SAA2: variants seen among roughly 807,000 people sequenced by gnomAD.
SAA2 encodes the protein serum amyloid A-2 protein.
A neutral mutation model predicts 9.1 loss-of-function variants in SAA2; 5 were observed. That is an observed-to-expected ratio of 0.55 (90% CI 0.29 to 1.16). SAA2 has a LOEUF of 1.16. Among genes scored for constraint, SAA2 ranks in the 50% most tolerant of loss-of-function variants. The pLI, the probability that SAA2 is intolerant of heterozygous loss-of-function variation, is 0.09. For synonymous variants in SAA2, 49 were observed against 59.8 expected (o/e 0.82, Z 0.83); for missense variants, 94 against 153.8 (o/e 0.61, Z 2.06).
chr11:18,247,294 G>A (rs1425052372), intron 2 of SAA2, among the ~76,000 whole-genome samples: 4 of 151,000 alleles, frequency 2.6e-5, no homozygotes, highest in Middle Eastern at 3.4e-3. Context: ...AGGCTAAAGA[G>A]CCCTGTACAT....
downstream of SAA2, chr11:18,242,701 G>C (rs73424352): frequency 0.012 from 8,290 of 677,582 alleles, 498 homozygotes; most frequent in African/African-American, 0.13. Context: ...TAAAAATTAG[G>C]CAAGTGTCAT....
chr11:18,242,516 T>A, downstream of SAA2: 1 of 452,876 alleles, frequency 2.2e-6, no homozygotes, highest in Non-Finnish European at 3.9e-6. Context: ...CCAGAAACAA[T>A]GTGAATCTGG....
chr11:18,239,716 T>G, exon 4 of SAA2: 1 of 460,462 alleles, frequency 2.2e-6, no homozygotes, highest in Non-Finnish European at 3.8e-6. Flanking sequence ...CAGTCTGTTT[T>G]GCTGTATCCA....
downstream of SAA2, among the ~76,000 whole-genome samples, chr11:18,244,165 A>C (rs374476795): frequency 2.0e-5 from 3 of 152,154 alleles, no homozygotes; most frequent in Non-Finnish European, 4.4e-5. Flanking sequence ...ACTTATTTTA[A>C]TCAGCTTGGG....
chr11:18,245,595 A>G (rs1857486341), intron 3 of SAA2, 80 bp from the exon 4 acceptor site: 1 of 1,565,096 alleles, frequency 6.4e-7, no homozygotes, highest in Admixed American at 1.7e-5. Context: ...CCCCGTTCCA[A>G]GGGAGGGCTC....
downstream of SAA2, chr11:18,242,707 G>A: frequency 1.5e-6 from 1 of 686,506 alleles, no homozygotes; most frequent in Non-Finnish European, 2.7e-6. Context: ...TTAGGCAAGT[G>A]TCATGGCGCA....
intron 2 of SAA2, among the ~76,000 whole-genome samples, chr11:18,246,501 A>G (rs1414283570): frequency 3.9e-5 from 6 of 152,174 alleles, no homozygotes; most frequent in African/African-American, 1.4e-4. Context: ...GAAGCAATAG[A>G]GCAGCGGTTC....
At chr11:18,238,419 C>A (rs1386207884), downstream of SAA2, among the ~76,000 whole-genome samples, 1 of 152,026 alleles carries the variant, frequency 6.6e-6, no homozygotes, top group Non-Finnish European at 1.5e-5. Flanking sequence ...TTAATATTTT[C>A]TTTAGTTGTC....
exon 4 of SAA2, chr11:18,239,818 C>A: frequency 8.4e-7 from 1 of 1,188,954 alleles, no homozygotes; most frequent in Non-Finnish European, 1.1e-6. Flanking sequence ...GGGAGCTCAT[C>A]CATGCCTCTT....
At chr11:18,240,934 C>T (rs1857327491), downstream of SAA2, among the ~76,000 whole-genome samples, 1 of 152,042 alleles carries the variant, frequency 6.6e-6, no homozygotes, top group Non-Finnish European at 1.5e-5. Context: ...AACAGACAAC[C>T]TAAGAACGGG....
At chr11:18,248,291 A>G (rs1857666332) in intron 1 of SAA2, 1 of 360,052 alleles carries the variant, frequency 2.8e-6, no homozygotes, top group Admixed American at 4.1e-5. Context: ...CAAGTAGCCT[A>G]TAATTCCCCA....
rs921204924 is a variant in SAA2, at chr11:18,239,886, A to C, written c.*62T>G. The C allele has an allele frequency of 2.6e-6, 4 of 1,531,702 alleles. No individual in the cohort carries two copies. The African/African-American group carries it at 5.6e-5, about 21-fold the overall frequency. 94.9% of individuals were successfully genotyped at this position (1,531,702 alleles called of 1,614,324 possible). On this transcript the variant is annotated 3_prime_UTR_variant, in exon 4 of 4. Transcript: ENST00000414546. ...TGGTGGTTATTTACACTGAATCTTC[A>C]TTGCCTGGATCAATGCCTGGGTCAT...
rs778033263 is a variant in SAA2 at position 18,240,003 on chromosome 11, T to C, written c.231-34A>G. ...GGCAGATTAATAGGAGAAAAAGTCA[T>C]ATACACGTATTTTAACATGCAAGGG... On this transcript the variant is annotated intron_variant, in intron 3 of 3. Coordinates refer to the SAA2 transcript ENST00000414546. 5.4e-5 allele frequency: 83 copies of C among 1,550,276 alleles called. 3 individuals are homozygous for C. The Middle Eastern group carries it at 0.011, about 197-fold the overall frequency.
downstream of SAA2, among the ~76,000 whole-genome samples, chr11:18,238,811 C>G (rs1027160306): frequency 1.3e-5 from 2 of 151,702 alleles, no homozygotes; most frequent in African/African-American, 4.8e-5. Flanking sequence ...CTCACTCCCC[C>G]CCTCCCCACT....
downstream of SAA2, chr11:18,242,885 G>T (rs1857389678): frequency 1.5e-6 from 1 of 686,334 alleles, no homozygotes; most frequent in Non-Finnish European, 2.6e-6. Context: ...ATAACAAAGA[G>T]CAATGCAATT....
downstream of SAA2, among the ~76,000 whole-genome samples, chr11:18,243,489 C>G (rs1857409241): frequency 6.6e-6 from 1 of 152,210 alleles, no homozygotes; most frequent in South Asian, 2.1e-4. Flanking sequence ...AGACTGAACA[C>G]TAATCTCAAC....
intron 2 of SAA2, 111 bp from the exon 3 acceptor site, chr11:18,246,159 G>C (rs1364718743): frequency 1.4e-6 from 2 of 1,476,916 alleles, no homozygotes; most frequent in Non-Finnish European, 1.8e-6. Flanking sequence ...CAAGCTTTCA[G>C]CCTGTGATCA....
downstream of SAA2, chr11:18,242,751 T>C (rs187691031): frequency 4.3e-6 from 3 of 699,698 alleles, no homozygotes; most frequent in Non-Finnish European, 7.8e-6. Flanking sequence ...GAGGCTGAAG[T>C]GGGAGGATCT....
chr11:18,245,703 T>A (rs899370211), intron 3 of SAA2, among the ~76,000 whole-genome samples, 188 bp from the exon 4 acceptor site: 1 of 152,198 alleles, frequency 6.6e-6, no homozygotes, highest in Non-Finnish European at 1.5e-5. Flanking sequence ...CTAGGCTGGA[T>A]GAACAGCACC....
Sources: allele counts gnomAD v4.1 joint callset (sites outside exome capture counted in the v4.1 genomes callset), GRCh38; gene constraint gnomAD v4.1.1; transcripts MANE v1.5; gene names NCBI Gene and HGNC (gene_info 2026-07-23, HGNC 2026-07-21).